Variants in TRERF1 observed in about 807,000 individuals in gnomAD.
The protein encoded by TRERF1 is transcriptional regulating factor 1.
A neutral mutation model predicts 122.9 loss-of-function variants in TRERF1; 27 were observed. That is an observed-to-expected ratio of 0.22 (90% CI 0.16 to 0.30). TRERF1 has a LOEUF of 0.30. TRERF1 is among the 10% of genes least tolerant of loss of function. The pLI is 1.00. For missense variants in TRERF1, 1,248 were observed against 1,560.3 expected, an observed-to-expected ratio of 0.80 and a Z score of 3.37; for synonymous variants, 636 against 641.7, an observed-to-expected ratio of 0.99 and a Z score of 0.13.
chr6:42,360,759 G>A (rs1224915039), intron 3 of TRERF1, among the ~76,000 whole-genome samples: 1 of 124,836 alleles, frequency 8.0e-6, no homozygotes, highest in Non-Finnish European at 1.6e-5. Flanking sequence ...AGGGAGGAAG[G>A]AGTGGAGAGA....
chr6:42,373,861 G>A (rs367877800), intron 2 of TRERF1, among the ~76,000 whole-genome samples: 4 of 150,418 alleles, frequency 2.7e-5, no homozygotes, highest in Admixed American at 6.6e-5. Context: ...AAGGCCGGGC[G>A]TGGTGGCTCA....
chr6:42,246,023 G>A (rs1357619022), intron 14 of TRERF1, among the ~76,000 whole-genome samples: 2 of 152,184 alleles, frequency 1.3e-5, no homozygotes, highest in African/African-American at 4.8e-5. Context: ...CAAGAGAATC[G>A]CTTGAACCCG....
intron 5 of TRERF1, among the ~76,000 whole-genome samples, chr6:42,266,630 TTC>T (rs1465663798): frequency 6.6e-6 from 1 of 152,190 alleles, no homozygotes; most frequent in Non-Finnish European, 1.5e-5. Flanking sequence ...CATCAGAACT[TTC>T]TTTCTATCCA....
chr6:42,394,268 C>T (rs1214155212), intron 2 of TRERF1, among the ~76,000 whole-genome samples: 1 of 152,118 alleles, frequency 6.6e-6, no homozygotes, highest in African/African-American at 2.4e-5. Context: ...CTAACAACAG[C>T]ACATCCCTCC....
chr6:42,385,862 T>A (rs533810172), intron 2 of TRERF1, among the ~76,000 whole-genome samples: 1 of 152,358 alleles, frequency 6.6e-6, no homozygotes, highest in South Asian at 2.1e-4. Context: ...AATAATTTAA[T>A]ATGCTATCAT....
chr6:42,319,891 CATT>C (rs2150436304), intron 3 of TRERF1, among the ~76,000 whole-genome samples: 1 of 149,256 alleles, frequency 6.7e-6, no homozygotes, highest in Non-Finnish European at 1.5e-5. Context: ...TACATTATAT[CATT>C]ATTATTTTTT....
intron 2 of TRERF1, among the ~76,000 whole-genome samples, chr6:42,391,038 G>C (rs1419672854): frequency 6.6e-6 from 1 of 152,154 alleles, no homozygotes; most frequent in Non-Finnish European, 1.5e-5. Flanking sequence ...GAACAAAAGG[G>C]GGACATGGAC....
downstream of TRERF1, chr6:42,224,931 A>G (rs188214464): frequency 1.3e-5 from 2 of 152,254 alleles, no homozygotes; most frequent in Non-Finnish European, 2.9e-5. Flanking sequence ...AAGCCAAACG[A>G]AACGCAAAAG....
At chr6:42,373,825 A>T (rs1217745401) in intron 2 of TRERF1, among the ~76,000 whole-genome samples, 4 of 148,364 alleles carry the variant, frequency 2.7e-5, no homozygotes, top group South Asian at 2.1e-4. Context: ...GAGCAAAAAA[A>T]AAAAAGAAGA....
intron 13 of TRERF1, among the ~76,000 whole-genome samples, chr6:42,254,012 T>C (rs1408404772): frequency 6.6e-6 from 1 of 152,216 alleles, no homozygotes; most frequent in African/African-American, 2.4e-5. Flanking sequence ...AAGGAACAGT[T>C]AGTGCATGGA....
At chr6:42,354,386 C>CTT (rs11339393) in intron 3 of TRERF1, among the ~76,000 whole-genome samples, 3 of 145,298 alleles carry the variant, frequency 2.1e-5, no homozygotes, top group East Asian at 2.0e-4. Context: ...TGTTGTTTCC[C>CTT]TTTTTTTTTT....
chr6:42,316,680 C>T (rs369908020), intron 3 of TRERF1, among the ~76,000 whole-genome samples: 5 of 152,136 alleles, frequency 3.3e-5, no homozygotes, highest in Non-Finnish European at 7.3e-5. Context: ...TGATAACAGT[C>T]CCTCCCTGAA....
intron 3 of TRERF1, among the ~76,000 whole-genome samples, chr6:42,344,618 C>G (rs879684009): frequency 6.6e-6 from 1 of 152,174 alleles, no homozygotes; most frequent in Non-Finnish European, 1.5e-5. Flanking sequence ...CTGGGCGGTT[C>G]CTGCCCAGTG....
At chr6:42,419,326 C>T (rs1782412700) in intron 2 of TRERF1, among the ~76,000 whole-genome samples, 1 of 142,826 alleles carries the variant, frequency 7.0e-6, no homozygotes, top group South Asian at 2.4e-4. Flanking sequence ...ACAGAGTGAC[C>T]GGTTCAGATC....
At chr6:42,406,066 A>T (rs1242693211) in intron 2 of TRERF1, among the ~76,000 whole-genome samples, 2 of 152,124 alleles carry the variant, frequency 1.3e-5, no homozygotes, top group East Asian at 3.9e-4. Flanking sequence ...TCCAGATACA[A>T]CTCAGTTAGT....
chr6:42,418,252 C>CTCTT lies in TRERF1; in HGVS notation c.-454+32921_-454+32924dup, dbSNP rs1267514350. Among the ~76,000 whole-genome samples, 97 of 17,554 alleles carry CTCTT rather than the reference C, an allele frequency of 5.5e-3. 2 individuals are homozygous for CTCTT. The highest frequency in any genetic ancestry group is 9.4e-3 in the African/African-American group (64 of 6,794). The allele number at this position is 17,554 out of a possible 152,430, so 11.5% of individuals were successfully genotyped here. ...TTTTTTTTTTTGAGATGGAGTTTTG[C>CTCTT]TCTTTCTTTCTTTCTTTTTTTTTTT... On this transcript the variant is annotated intron_variant, in intron 2 of 17. Transcript: ENST00000372922.
intron 14 of TRERF1, among the ~76,000 whole-genome samples, chr6:42,246,183 A>G (rs1034997944): frequency 6.6e-6 from 1 of 152,206 alleles, no homozygotes; most frequent in Non-Finnish European, 1.5e-5. Flanking sequence ...ATTCTGACAG[A>G]ATTATGAATT....
intron 4 of TRERF1, among the ~76,000 whole-genome samples, chr6:42,274,364 A>G (rs1002205084): frequency 6.6e-6 from 1 of 152,204 alleles, no homozygotes; most frequent in Non-Finnish European, 1.5e-5. Flanking sequence ...CGCTAATGGT[A>G]GAAAATCAAG....
chr6:42,248,490 T>C (rs1005688017), intron 13 of TRERF1, among the ~76,000 whole-genome samples: 2 of 152,052 alleles, frequency 1.3e-5, no homozygotes, highest in African/African-American at 4.8e-5. Context: ...GTAGATGAGA[T>C]TACAGGTGCG....
Sources: allele counts gnomAD v4.1 joint callset (sites outside exome capture counted in the v4.1 genomes callset), GRCh38; gene constraint gnomAD v4.1.1; transcripts MANE v1.5; gene names NCBI Gene and HGNC (gene_info 2026-07-23, HGNC 2026-07-21).